The following TTC34 variants were observed in gnomAD, a reference collection of about 807,000 sequenced individuals.
TTC34 encodes the protein tetratricopeptide repeat domain 34.
A neutral mutation model predicts 40.7 loss-of-function variants in TTC34; 44 were observed. The observed-to-expected ratio is 1.08, with a 90% CI of 0.85 to 1.39. The LOEUF (loss-of-function observed/expected upper bound fraction) is 1.39, where lower values mean the gene tolerates loss of function less well. Among genes scored for constraint, TTC34 ranks in the 40% most tolerant of loss-of-function variants. TTC34 has a pLI of 0.00. For synonymous variants in TTC34, 422 were observed against 398.6 expected (o/e 1.06, Z -0.70); for missense variants, 884 against 838.0 (o/e 1.05, Z -0.68).
chr1:2,800,998 G>T (rs959551282), intron 1 of TTC34, 130 bp from the exon 2 acceptor site: 2 of 397,638 alleles, frequency 5.0e-6, no homozygotes, highest in Non-Finnish European at 8.8e-6. Context: ...ACCCCACTGG[G>T]TGAAAACTGG....
At chr1:2,644,934 A>G (rs559658181) in intron 7 of TTC34, among the ~76,000 whole-genome samples, 14 of 152,270 alleles carry the variant, frequency 9.2e-5, no homozygotes, top group Non-Finnish European at 1.5e-4. Context: ...GGGGCTTCTG[A>G]CAGTTCCTCC....
At chr1:2,655,508 C>T (rs1379694187) in intron 6 of TTC34, among the ~76,000 whole-genome samples, 26 of 147,748 alleles carry the variant, frequency 1.8e-4, no homozygotes, top group Non-Finnish European at 1.5e-4. Flanking sequence ...AGGTGAGCAT[C>T]TGACAGGCTG....
chr1:2,777,439 A>C (rs1215788111), intron 6 of TTC34, among the ~76,000 whole-genome samples: 2 of 149,978 alleles, frequency 1.3e-5, no homozygotes, highest in Non-Finnish European at 3.0e-5. Flanking sequence ...ATCTGACAGC[A>C]TGGACAAGTC....
intron 6 of TTC34, among the ~76,000 whole-genome samples, chr1:2,781,765 G>A (rs1184770510): frequency 6.6e-6 from 1 of 152,188 alleles, no homozygotes; most frequent in Non-Finnish European, 1.5e-5. Context: ...TTCTGCATCA[G>A]TTGAGATGAT....
At chr1:2,795,696 C>T (rs1040748191) in intron 2 of TTC34, among the ~76,000 whole-genome samples, 12 of 152,304 alleles carry the variant, frequency 7.9e-5, no homozygotes, top group East Asian at 1.9e-4. Context: ...CCTTTCCTAG[C>T]GCTCTTAATG....
chr1:2,681,131 G>T lies in TTC34; in HGVS notation c.2227-35568C>A, dbSNP rs368598440. 1.3e-4 allele frequency among the ~76,000 whole-genome samples: 13 copies of T among 101,764 alleles called. No individual in the cohort carries two copies. The East Asian group carries it at 3.3e-3, about 26-fold the overall frequency. 66.8% of individuals were successfully genotyped at this position (101,764 alleles called of 152,430 possible). The stretch of plus-strand genomic sequence containing the variant: ...CCAGGTGAGCATCTGACAGCGTGGA[G>T]CAGCACCCACAGCCCAAGGTGAGCA... On this transcript the variant is annotated intron_variant, in intron 6 of 8. Transcript: ENST00000401095.
intron 2 of TTC34, among the ~76,000 whole-genome samples, chr1:2,797,577 A>G (rs761158294): frequency 6.6e-6 from 1 of 152,136 alleles, no homozygotes; most frequent in Non-Finnish European, 1.5e-5. Context: ...AGGTGACATT[A>G]TTCTAAGGGT....
At chr1:2,685,818 A>C (rs1640310789) in intron 6 of TTC34, among the ~76,000 whole-genome samples, 1 of 147,806 alleles carries the variant, frequency 6.8e-6, no homozygotes, top group Non-Finnish European at 1.5e-5. Context: ...AGCATCTGAC[A>C]GACTGGAACG....
chr1:2,652,690 A>G (rs1015361201), intron 6 of TTC34, among the ~76,000 whole-genome samples: 6 of 147,636 alleles, frequency 4.1e-5, no homozygotes, highest in African/African-American at 1.3e-4. Flanking sequence ...CCACACCCAC[A>G]GGTGAGCATC....
chr1:2,753,326 T>G (rs1416927043), intron 6 of TTC34, among the ~76,000 whole-genome samples: 4,457 of 49,134 alleles, frequency 0.091, 13 homozygotes, highest in African/African-American at 0.19. Context: ...GCCTGGAGCA[T>G]CACCCACACC....
chr1:2,774,984 C>T (rs1569880035), intron 6 of TTC34: 1 of 116,608 alleles, frequency 8.6e-6, no homozygotes, highest in African/African-American at 3.3e-5. Flanking sequence ...CAGCACCCTG[C>T]ACCCCCAGGT....
At chr1:2,643,006 C>CCGTA (rs1485319909) in intron 8 of TTC34, among the ~76,000 whole-genome samples, 58 of 152,344 alleles carry the variant, frequency 3.8e-4, no homozygotes, top group Non-Finnish European at 2.9e-4. Flanking sequence ...TGACCCCGAC[C>CCGTA]CGTAGTTCAC....
In TTC34 at chr1:2,759,446, G is replaced by A. The variant is rs1178752518; in HGVS notation, c.2226+24163C>T. Among the ~76,000 whole-genome samples the A allele has an allele frequency of 5.9e-5, 7 of 119,600 alleles. No individual in the cohort carries two copies. The East Asian group carries it at 1.7e-3, about 28-fold the overall frequency. The allele number at this position is 119,600 out of a possible 152,430, so 78.5% of individuals were successfully genotyped here. ...TGGATCAGCACCCACACTCCCAGGCGAGCATCTGACAGCCTGGAGCAGCAC... is the reference window on the plus strand; with the variant it reads ...TGGATCAGCACCCACACTCCCAGGCAAGCATCTGACAGCCTGGAGCAGCAC... On this transcript the variant is annotated intron_variant, in intron 6 of 8. Transcript: ENST00000401095.
At position 2,683,272 on chromosome 1, in the gene TTC34, C is replaced by G. The variant is rs1361124375; in HGVS notation, c.2227-37709G>C. 2.5e-4 allele frequency among the ~76,000 whole-genome samples: 38 copies of G among 151,706 alleles called. 1 individual carries two copies. Among genetic ancestry groups the G allele is most frequent in the African/African-American group, 8.2e-4 (34 of 41,312 alleles). ...GATGGTTTGCAGCAGCACCCACACCCACAGGTGAGCATCTGACAGCCTGGA... is the reference window on the plus strand; with the variant it reads ...GATGGTTTGCAGCAGCACCCACACCGACAGGTGAGCATCTGACAGCCTGGA... On this transcript the variant is annotated intron_variant, in intron 6 of 8. Transcript: ENST00000401095.
chr1:2,784,807 A>G (rs547189221), intron 5 of TTC34, among the ~76,000 whole-genome samples: 1 of 152,296 alleles, frequency 6.6e-6, no homozygotes, highest in East Asian at 1.9e-4. Flanking sequence ...TTCTTATTCT[A>G]TTTTCTTTAT....
chr1:2,687,672 G>A (rs1180592333), intron 6 of TTC34, among the ~76,000 whole-genome samples: 13 of 151,188 alleles, frequency 8.6e-5, no homozygotes, highest in Non-Finnish European at 1.6e-4. Flanking sequence ...TGACAGGCTG[G>A]AGCAGCACGC....
chr1:2,764,268 GCGAGCA>G (rs1641727189), intron 6 of TTC34, among the ~76,000 whole-genome samples: 3 of 149,206 alleles, frequency 2.0e-5, no homozygotes, highest in South Asian at 2.1e-4. Flanking sequence ...ACACCCCCAG[GCGAGCA>G]TCTGACAGCC....
intron 6 of TTC34, among the ~76,000 whole-genome samples, chr1:2,756,727 G>T (rs1641519725): frequency 9.7e-5 from 3 of 30,772 alleles, no homozygotes; most frequent in African/African-American, 4.2e-4. Context: ...GCATCTGACA[G>T]GCTGGAGCAG....
intron 6 of TTC34, among the ~76,000 whole-genome samples, chr1:2,685,430 C>G (rs1429485163): frequency 7.4e-6 from 1 of 135,580 alleles, no homozygotes; most frequent in Non-Finnish European, 1.5e-5. Context: ...TCTGGAGCAG[C>G]GCCCACACTG....
Sources: gnomAD v4.1 joint callset for allele counts (sites outside exome capture counted in the v4.1 genomes callset) on GRCh38, gnomAD v4.1.1 for gene constraint, MANE v1.5 for transcripts, NCBI Gene and HGNC (gene_info 2026-07-23, HGNC 2026-07-21) for gene names.